The following ELL variants were observed in gnomAD, a reference collection of about 807,000 sequenced individuals.
ELL encodes elongation factor for RNA polymerase II.
In ELL, 18 loss-of-function variants were observed where a neutral mutation model predicts 64.0. The ratio of observed to expected loss-of-function variants is 0.28; its 90% CI spans 0.19 to 0.42. The LOEUF (loss-of-function observed/expected upper bound fraction) is 0.42, where lower values mean the gene tolerates loss of function less well. Ranked by LOEUF, ELL falls within the 10% of genes least tolerant of loss-of-function variation. The pLI, the probability that ELL is intolerant of heterozygous loss-of-function variation, is 1.00. For synonymous variants in ELL, 399 were observed against 376.2 expected, an observed-to-expected ratio of 1.06 and a Z score of -0.70; for missense variants, 797 against 870.4, an observed-to-expected ratio of 0.92 and a Z score of 1.06.
intron 4 of ELL, among the ~76,000 whole-genome samples, chr19:18,464,601 T>C (rs1974897814): frequency 1.3e-5 from 2 of 152,182 alleles, no homozygotes; most frequent in South Asian, 4.1e-4. Context: ...AATCACGTGC[T>C]TTCTTCGGAA....
chr19:18,506,722 T>C (rs1975891035), intron 1 of ELL, among the ~76,000 whole-genome samples: 1 of 152,116 alleles, frequency 6.6e-6, no homozygotes, highest in Non-Finnish European at 1.5e-5. Context: ...AGACCTCGTC[T>C]GAAAAAACAA....
intron 1 of ELL, among the ~76,000 whole-genome samples, chr19:18,505,981 G>A (rs1295194800): frequency 6.6e-6 from 1 of 152,180 alleles, no homozygotes; most frequent in African/African-American, 2.4e-5. Flanking sequence ...CACACATGTG[G>A]CCAATACCAG....
At chr19:18,482,868 G>A (rs1450671947) in intron 1 of ELL, among the ~76,000 whole-genome samples, 2 of 151,866 alleles carry the variant, frequency 1.3e-5, no homozygotes, top group Non-Finnish European at 2.9e-5. Context: ...ACAGCTCACT[G>A]CAGCCACAGT....
intron 1 of ELL, among the ~76,000 whole-genome samples, chr19:18,476,352 GCCAGTTAGGGTGACAAGGGACAGGAA>G (rs913101773): frequency 6.6e-6 from 1 of 152,216 alleles, no homozygotes; most frequent in Non-Finnish European, 1.5e-5. Context: ...TGATGCTGAG[GCCAGTTAGGGTGACAAGGGACAGGAA>G]CCAGTTAGGG....
In ELL at chr19:18,506,164, G is replaced by T. The variant is rs188450729; in HGVS notation, c.135+15757C>A. On this transcript the variant is annotated intron_variant, in intron 1 of 11. Coordinates refer to ENST00000262809, the MANE Select transcript of ELL (RefSeq NM_006532.4). Reference sequence around the variant, plus strand: ...CCCTGGCACTCAGGCCATGCCACACGCAGCAGCTGGGTCTGAAGCCTGGCT... The same window carrying T: ...CCCTGGCACTCAGGCCATGCCACACTCAGCAGCTGGGTCTGAAGCCTGGCT... Among the ~76,000 whole-genome samples, 3 of 152,208 alleles carry T rather than the reference G, an allele frequency of 2.0e-5. No homozygotes were observed. The East Asian group carries it at 5.8e-4, about 29-fold the overall frequency.
At chr19:18,455,141 C>CAAA (rs34585634) in intron 6 of ELL, among the ~76,000 whole-genome samples, 1 of 107,966 alleles carries the variant, frequency 9.3e-6, no homozygotes, top group Non-Finnish European at 2.0e-5. Context: ...AGTCCCTCTC[C>CAAA]AAAAAAAAAA....
At chr19:18,502,888 C>T (rs529984960) in intron 1 of ELL, among the ~76,000 whole-genome samples, 13 of 152,312 alleles carry the variant, frequency 8.5e-5, no homozygotes, top group Admixed American at 2.0e-4. Context: ...GCCACCTGGC[C>T]GGGTGTGCCA....
chr19:18,463,423 C>T (rs1974871056), intron 4 of ELL, among the ~76,000 whole-genome samples: 1 of 149,038 alleles, frequency 6.7e-6, no homozygotes, highest in Non-Finnish European at 1.5e-5. Context: ...CAACCTCCGC[C>T]TTCCAGGTTC....
chr19:18,448,952 C>T (rs953326943), intron 8 of ELL: 2 of 152,252 alleles, frequency 1.3e-5, no homozygotes, highest in African/African-American at 4.8e-5. Flanking sequence ...ACAGCTAAGA[C>T]ATGCCCTGCA....
chr19:18,475,680 G>A (rs1428866443), intron 1 of ELL: 3 of 152,212 alleles, frequency 2.0e-5, no homozygotes, highest in Non-Finnish European at 2.9e-5. Flanking sequence ...GCCACAGGCT[G>A]TATGACTCCA....
chr19:18,492,325 A>G (rs1213534681), intron 1 of ELL, among the ~76,000 whole-genome samples: 1 of 152,218 alleles, frequency 6.6e-6, no homozygotes, highest in Non-Finnish European at 1.5e-5. Flanking sequence ...AAGGACGGCC[A>G]TTCCTGCATG....
At chr19:18,471,458 A>G (rs908329659) in intron 2 of ELL, 1 of 348,852 alleles carries the variant, frequency 2.9e-6, no homozygotes, top group Non-Finnish European at 5.7e-6. Flanking sequence ...ACCTGAGGTC[A>G]GGAGTTTGAG....
At position 18,486,773 on chromosome 19, in the gene ELL, T is replaced by A. The variant is rs568569022; in HGVS notation, c.136-13891A>T. Among the ~76,000 whole-genome samples the A allele has an allele frequency of 5.1e-4, 77 of 152,228 alleles. 1 individual carries two copies. Among genetic ancestry groups the A allele is most frequent in the African/African-American group, 1.8e-3 (75 of 41,522 alleles). ...GAAAAATAAGAGGATGCCAAGAGAA[T>A]CTGGCACCCTTCAAGGCATGACCCG... is the stretch of plus-strand genomic sequence containing the variant. On this transcript the variant is annotated intron_variant, in intron 1 of 11. Coordinates refer to ENST00000262809, the MANE Select transcript of ELL (RefSeq NM_006532.4).
intron 1 of ELL, 108 bp from the exon 2 acceptor site, chr19:18,472,990 G>GT: frequency 7.7e-7 from 1 of 1,303,986 alleles, no homozygotes. Flanking sequence ...TGAAGATGGT[G>GT]TTCTCAGGAG....
intron 1 of ELL, among the ~76,000 whole-genome samples, chr19:18,507,983 C>T (rs1028137528): frequency 2.6e-5 from 4 of 152,224 alleles, no homozygotes; most frequent in Middle Eastern, 3.2e-3. Context: ...CCTTCCCATC[C>T]AGGCTGCACA....
Position 18,458,303 on chromosome 19 carries a change from G to A in ELL, c.771C>T (p.Gly257=). 2.5e-6 allele frequency: 4 copies of A among 1,612,966 alleles called. No homozygotes were observed. The highest frequency in any genetic ancestry group is 3.4e-6 in the Non-Finnish European group (4 of 1,179,728). The change falls in exon 6 of 12, where the codon GGC becomes GGT. Residue 257 remains glycine (G), a synonymous_variant. Transcript: ENST00000262809. ...ACATGCAGTCCTGCAGTGTACACGTGCCGTCCTTAGCACTCATGTTGGCCA... is the reference window on the plus strand; with the variant it reads ...ACATGCAGTCCTGCAGTGTACACGTACCGTCCTTAGCACTCATGTTGGCCA... The part of the protein sequence containing the change: ...QQVANMSAKD[G]TCTLQDCMYK...
chr19:18,465,985 C>T (rs2144920657), intron 2 of ELL, 67 bp from the exon 3 acceptor site: 2 of 1,240,868 alleles, frequency 1.6e-6, no homozygotes, highest in Non-Finnish European at 2.0e-6. Context: ...CCTGCATCTT[C>T]CTGCATGAGT....
intron 2 of ELL, 126 bp downstream of exon 2, chr19:18,472,709 C>G: frequency 8.2e-7 from 1 of 1,218,212 alleles, no homozygotes; most frequent in Non-Finnish European, 1.2e-6. Context: ...AGAACCCAGC[C>G]TTGCATGGTG....
intron 10 of ELL, among the ~76,000 whole-genome samples, chr19:18,445,667 G>T (rs1974398889): frequency 1.3e-5 from 2 of 152,184 alleles, no homozygotes; most frequent in South Asian, 4.1e-4. Context: ...AGGCAAAGGG[G>T]CCTTGGCCAG....
Sources: gnomAD v4.1 joint callset for allele counts (sites outside exome capture counted in the v4.1 genomes callset) on GRCh38, gnomAD v4.1.1 for gene constraint, MANE v1.5 for transcripts, NCBI Gene and HGNC (gene_info 2026-07-23, HGNC 2026-07-21) for gene names.